Variants in DNAH11 observed in about 807,000 individuals in gnomAD.
The protein encoded by DNAH11 is dynein axonemal heavy chain 11.
Under a neutral mutation model 526.0 loss-of-function variants are expected in DNAH11, and 442 were observed. That is an observed-to-expected ratio of 0.84 (90% CI 0.78 to 0.91). The LOEUF (loss-of-function observed/expected upper bound fraction) is 0.91, where lower values mean the gene tolerates loss of function less well. DNAH11 is among the 40% of genes least tolerant of loss of function. The pLI, the probability that DNAH11 is intolerant of heterozygous loss-of-function variation, is 0.00. For missense variants in DNAH11, 6,989 were observed against 5,448.7 expected (o/e 1.28, Z -8.90); for synonymous variants, 2,461 against 1,935.9 (o/e 1.27, Z -7.12).
At chr7:21,601,828 G>C (rs776528916) in intron 18 of DNAH11, among the ~76,000 whole-genome samples, 1 of 151,588 alleles carries the variant, frequency 6.6e-6, no homozygotes, top group Non-Finnish European at 1.5e-5. Flanking sequence ...CAACACTCTC[G>C]GTGTGTTTTA....
In DNAH11 at chr7:21,658,888, C is replaced by T. The variant is rs144106494; in HGVS notation, c.5185C>T (p.Pro1729Ser). 931 of 1,609,564 alleles carry T rather than the reference C, an allele frequency of 5.8e-4. 6 individuals carry two copies. In the African/African-American group the frequency reaches 0.011, roughly 19 times the overall value. ...AGCCATAGTGGCCTACGAGGAAAAA[C>T]CTAGGGAACTGTGGATTTTTGATTT... is the stretch of plus-strand genomic sequence containing the variant. ...TEAIVAYEEK[P>S]RELWIFDFPA... Residue 1729 changes from proline to serine, a missense_variant, in exon 30 of 82, where the codon CCT becomes TCT. Coordinates refer to ENST00000409508, the MANE Select transcript of DNAH11 (RefSeq NM_001277115.2).
At chr7:21,634,783 C>G (rs1786777333) in intron 25 of DNAH11, among the ~76,000 whole-genome samples, 1 of 151,868 alleles carries the variant, frequency 6.6e-6, no homozygotes, top group Non-Finnish European at 1.5e-5. Flanking sequence ...ACCTATGTAA[C>G]AAGCCTGCAT....
In DNAH11 at chr7:21,892,448, A is replaced by G; in HGVS notation, c.12531A>G (p.Ala4177=). ...PSLTEDELML[A]PGFAAPPYLD... is the part of the protein sequence containing the mutation. Reference sequence around the variant, plus strand: ...AGACTGAAGATGAACTGATGCTGGCACCAGGTTTTGCTGCCCCACCCTACC... The same window carrying G: ...AGACTGAAGATGAACTGATGCTGGCGCCAGGTTTTGCTGCCCCACCCTACC... The change falls in exon 77 of 82, where the codon GCA becomes GCG. Residue 4177 remains alanine (A), a synonymous_variant. Transcript: ENST00000409508. The G allele has an allele frequency of 6.2e-7, 1 of 1,611,980 alleles. No homozygotes were observed. The highest frequency in any genetic ancestry group is 1.3e-5 in the African/African-American group (1 of 75,014).
intron 25 of DNAH11, among the ~76,000 whole-genome samples, chr7:21,621,559 T>A (rs1304266632): frequency 6.6e-6 from 1 of 152,114 alleles, no homozygotes; most frequent in African/African-American, 2.4e-5. Flanking sequence ...TGAACATTGA[T>A]GCAAAAATCC....
Position 21,739,562 on chromosome 7 carries a change from G to T in DNAH11, c.7812-9G>T, listed in dbSNP as rs1224929153. ...TTTTGGATTTAAGGTTCTGTTTTCT[G>T]TCTTTCAGGTATGATAGACAGAAGG... is the stretch of plus-strand genomic sequence containing the variant. On this transcript the variant is annotated splice_polypyrimidine_tract_variant and intron_variant, in intron 47 of 81. Transcript: ENST00000409508. 1.2e-5 allele frequency: 20 copies of T among 1,606,508 alleles called. No individual in the cohort carries two copies. Among genetic ancestry groups the T allele is most frequent in the Non-Finnish European group, 1.6e-5 (19 of 1,176,914 alleles).
intron 44 of DNAH11, among the ~76,000 whole-genome samples, chr7:21,721,504 G>A (rs1308353200): frequency 2.0e-5 from 3 of 152,106 alleles, no homozygotes; most frequent in African/African-American, 7.2e-5. Flanking sequence ...CAGTTCTGGG[G>A]ACCAAAAGTC....
intron 42 of DNAH11, among the ~76,000 whole-genome samples, chr7:21,716,760 T>C (rs1212730060): frequency 6.6e-6 from 1 of 152,224 alleles, no homozygotes; most frequent in East Asian, 1.9e-4. Context: ...GCTACTCTTA[T>C]GCAATTGGAC....
intron 4 of DNAH11, among the ~76,000 whole-genome samples, chr7:21,560,108 A>C (rs1783394110): frequency 1.3e-5 from 2 of 152,172 alleles, no homozygotes; most frequent in African/African-American, 4.8e-5. Context: ...GGAAGGAGTG[A>C]GGTCTTGCTT....
At chr7:21,674,432 C>G (rs1782780659) in intron 30 of DNAH11, among the ~76,000 whole-genome samples, 1 of 152,070 alleles carries the variant, frequency 6.6e-6, no homozygotes, top group Non-Finnish European at 1.5e-5. Context: ...GTGATCTTGG[C>G]TCACTGCAAC....
At chr7:21,744,623 C>T (rs772999414) in intron 50 of DNAH11, 24 bp downstream of exon 50, 24 of 1,610,302 alleles carry the variant, frequency 1.5e-5, no homozygotes, top group Non-Finnish European at 2.0e-5. Flanking sequence ...TGTCAGAGGT[C>T]ACTACTTACT....
chr7:21,828,619 CA>C (rs1562570248), intron 65 of DNAH11, among the ~76,000 whole-genome samples: 1 of 151,974 alleles, frequency 6.6e-6, no homozygotes, highest in Non-Finnish European at 1.5e-5. Context: ...AGCAGTCTTC[CA>C]ATAAAATAAC....
At chr7:21,598,235 C>T (rs1166734706) in intron 14 of DNAH11, among the ~76,000 whole-genome samples, 2 of 152,176 alleles carry the variant, frequency 1.3e-5, no homozygotes, top group Non-Finnish European at 2.9e-5. Flanking sequence ...CTCTTTTGCT[C>T]TGTGCTTCAG....
At chr7:21,800,415 T>C (rs1430283716) in intron 61 of DNAH11, among the ~76,000 whole-genome samples, 4 of 152,114 alleles carry the variant, frequency 2.6e-5, no homozygotes, top group African/African-American at 9.7e-5. Context: ...GTGGATCACT[T>C]GAGACCAGGA....
chr7:21,761,572 C>G (rs1786914496), intron 54 of DNAH11, among the ~76,000 whole-genome samples: 1 of 152,108 alleles, frequency 6.6e-6, no homozygotes, highest in Admixed American at 6.5e-5. Flanking sequence ...AGAGTGTTTG[C>G]TTAAAGCACG....
In DNAH11 at chr7:21,896,169, T is replaced by C. The variant is rs182882406; in HGVS notation, c.13049+1170T>C. On this transcript the variant is annotated intron_variant, in intron 79 of 81. Coordinates refer to ENST00000409508, the MANE Select transcript of DNAH11 (RefSeq NM_001277115.2). ...GTGTTTTGTTTGTGGTCAATCATTA[T>C]TTTTGTTTTAATATACTGTACTGAT... Among the ~76,000 whole-genome samples the C allele has an allele frequency of 4.5e-3, 690 of 152,372 alleles. 3 individuals carry two copies. Among genetic ancestry groups the C allele is most frequent in the African/African-American group, 0.016 (649 of 41,588 alleles).
intron 68 of DNAH11, among the ~76,000 whole-genome samples, chr7:21,857,523 A>G (rs1782897612): frequency 8.5e-6 from 1 of 117,526 alleles, no homozygotes; most frequent in African/African-American, 2.8e-5. Context: ...TAGCTAAACA[A>G]TTTTGAAAAA....
At chr7:21,856,497 C>T (rs751226412) in intron 68 of DNAH11, among the ~76,000 whole-genome samples, 1 of 152,068 alleles carries the variant, frequency 6.6e-6, no homozygotes, top group Non-Finnish European at 1.5e-5. Flanking sequence ...CAGTATTGCC[C>T]AAATTCCAAA....
chr7:21,801,320 A>G (rs773264315), intron 62 of DNAH11, 45 bp downstream of exon 62: 1 of 1,606,052 alleles, frequency 6.2e-7, no homozygotes, highest in Admixed American at 1.7e-5. Context: ...TGTTCAGATC[A>G]GCTTGTGGGG....
chr7:21,900,689 T>G (rs1455959493), intron 81 of DNAH11, among the ~76,000 whole-genome samples: 1 of 152,170 alleles, frequency 6.6e-6, no homozygotes, highest in Non-Finnish European at 1.5e-5. Context: ...GGAGGAAATG[T>G]GGTGAACTGG....
Sources: allele counts gnomAD v4.1 joint callset (sites outside exome capture counted in the v4.1 genomes callset), GRCh38; gene constraint gnomAD v4.1.1; transcripts MANE v1.5; gene names NCBI Gene and HGNC (gene_info 2026-07-23, HGNC 2026-07-21).